Variants in MOV10 observed in about 807,000 individuals in gnomAD.
MOV10 encodes Mov10 RNA helicase.
MOV10 carries 39 observed loss-of-function variants against 108.4 expected under a neutral mutation model. That is an observed-to-expected ratio of 0.36 (90% CI 0.28 to 0.47). The LOEUF is 0.47. Ranked by LOEUF, MOV10 falls within the 20% of genes least tolerant of loss-of-function variation. The pLI is 1.00. For missense variants in MOV10, 952 were observed against 1,297.6 expected, an observed-to-expected ratio of 0.73 and a Z score of 4.09; for synonymous variants, 490 against 523.1, an observed-to-expected ratio of 0.94 and a Z score of 0.86.
intron 7 of MOV10, 173 bp from the exon 8 acceptor site, chr1:112,693,844 CT>C: frequency 1.7e-6 from 1 of 573,578 alleles, no homozygotes; most frequent in East Asian, 2.9e-5. Context: ...TCCTCTTCCC[CT>C]GACTCCTGCT....
At chr1:112,688,779 C>T in intron 2 of MOV10, 156 bp from the exon 3 acceptor site, 2 of 1,465,620 alleles carry the variant, frequency 1.4e-6, no homozygotes, top group South Asian at 2.8e-5. Context: ...CTCCGATCCC[C>T]AGCCTGAGTC....
intron 12 of MOV10, 44 bp from the exon 13 acceptor site, chr1:112,696,393 T>C (rs372180848): frequency 5.2e-5 from 79 of 1,518,716 alleles, no homozygotes; most frequent in Non-Finnish European, 7.1e-5. Flanking sequence ...GGTTTGGTAG[T>C]TGGGTGCCTG....
At chr1:112,681,102 A>T (rs79696832) in intron 2 of MOV10, among the ~76,000 whole-genome samples, 7,976 of 152,064 alleles carry the variant, frequency 0.052, 716 homozygotes, top group African/African-American at 0.18. Flanking sequence ...CCCTCCCCTT[A>T]TGGGCATCCA....
chr1:112,682,158 G>A (rs1215291061), intron 2 of MOV10, among the ~76,000 whole-genome samples: 1 of 152,188 alleles, frequency 6.6e-6, no homozygotes, highest in East Asian at 1.9e-4. Flanking sequence ...GCCTCCCAAA[G>A]TGCTGGGATT....
Position 112,695,547 on chromosome 1 carries a change from C to T in MOV10, c.1752C>T (p.Asp584=), listed in dbSNP as rs1433985769. 6.2e-7 allele frequency: 1 copy of T among 1,614,120 alleles called. No homozygotes were observed. Among genetic ancestry groups the T allele is most frequent in the Non-Finnish European group, 8.5e-7 (1 of 1,180,012 alleles). Residue 584 remains aspartate (D), a synonymous_variant, in exon 11 of 21, where the codon GAC becomes GAT. Transcript: ENST00000369645. ...ACCGCCTCCTGGCCCCCAGCAGGGA[C>T]ATCCGCATGGTACCTGAGGACATCA... ...SIYRLLAPSR[D]IRMVPEDIKP...
chr1:112,684,267 T>C (rs1419298450), intron 2 of MOV10, among the ~76,000 whole-genome samples: 1 of 147,840 alleles, frequency 6.8e-6, no homozygotes, highest in Non-Finnish European at 1.5e-5. Flanking sequence ...CTGGGATTTT[T>C]TTTTTTTTTT....
intron 2 of MOV10, among the ~76,000 whole-genome samples, chr1:112,682,052 T>C (rs1297442993): frequency 1.3e-5 from 2 of 152,060 alleles, no homozygotes. Flanking sequence ...TGCGCCACCA[T>C]GCCCAGCTAA....
chr1:112,698,307 C>T lies in MOV10; in HGVS notation c.2337C>T (p.His779=), dbSNP rs765654274. 20 of 1,613,748 alleles carry T rather than the reference C, an allele frequency of 1.2e-5. 1 individual carries two copies. Among genetic ancestry groups the T allele is most frequent in the South Asian group, 6.6e-5 (6 of 91,072 alleles). ...LPRQGFPIIF[H]GVMGKDEREG... is the part of the protein sequence containing the mutation. Reference sequence around the variant, plus strand: ...TCCAGGGCTTTCCCATCATCTTTCACGGCGTAATGGGCAAAGATGAGCGTG... The same window carrying T: ...TCCAGGGCTTTCCCATCATCTTTCATGGCGTAATGGGCAAAGATGAGCGTG... Residue 779 remains histidine, a synonymous_variant, in exon 16 of 21, where the codon CAC becomes CAT. Transcript: ENST00000369645.
Position 112,695,709 on chromosome 1 carries a change from C to T in MOV10, c.1779+135C>T, listed in dbSNP as rs112358319. 735 of 965,474 alleles carry T rather than the reference C, an allele frequency of 7.6e-4. 8 individuals are homozygous for T. Among genetic ancestry groups the T allele is most frequent in the African/African-American group, 6.9e-3 (420 of 60,526 alleles). The allele number at this position is 965,474 out of a possible 1,614,324, so 59.8% of individuals were successfully genotyped here. A position where few individuals can be genotyped will look rare whatever the true frequency, so the allele number is the denominator to read the frequency against. On this transcript the variant is annotated intron_variant, in intron 11 of 20. Coordinates refer to ENST00000369645, the MANE Select transcript of MOV10 (RefSeq NM_001321324.2). ...ACCTTGGGTTGGACAGGACCCCTCC[C>T]TGGGCCTCAGTTTGTCTGTAAGTGA... is the stretch of plus-strand genomic sequence containing the variant.
chr1:112,688,007 T>G (rs959274042), intron 2 of MOV10, among the ~76,000 whole-genome samples: 1 of 152,078 alleles, frequency 6.6e-6, no homozygotes, highest in Non-Finnish European at 1.5e-5. Context: ...GACTCAGTTC[T>G]TATGCTGCCT....
At position 112,695,552 on chromosome 1, in the gene MOV10, G is replaced by T; in HGVS notation, c.1757G>T (p.Arg586Leu). 1.9e-6 allele frequency: 3 copies of T among 1,614,038 alleles called. No individual in the cohort carries two copies. The highest frequency in any genetic ancestry group is 2.5e-6 in the Non-Finnish European group (3 of 1,179,990). The change falls in exon 11 of 21, where the codon CGC becomes CTC. Residue 586 changes from arginine to leucine, a missense_variant. Arg to Leu is a moderately radical substitution (Grantham distance 102). Transcript: ENST00000369645. ...YRLLAPSRDI[R>L]MVPEDIKPCC... ...CTCCTGGCCCCCAGCAGGGACATCCGCATGGTACCTGAGGACATCAAGGTA... is the reference window on the plus strand; with the variant it reads ...CTCCTGGCCCCCAGCAGGGACATCCTCATGGTACCTGAGGACATCAAGGTA...
chr1:112,680,215 T>C (rs934150324), intron 2 of MOV10, among the ~76,000 whole-genome samples: 3 of 152,132 alleles, frequency 2.0e-5, no homozygotes, highest in Non-Finnish European at 4.4e-5. Context: ...ATCATCTCAT[T>C]ATTGTGTTTT....
At chr1:112,699,588 G>A in intron 17 of MOV10, 97 bp from the exon 18 acceptor site, 9 of 1,556,488 alleles carry the variant, frequency 5.8e-6, no homozygotes, top group Non-Finnish European at 7.8e-6. Flanking sequence ...ATTGCCCAGT[G>A]ACCTCTCTGT....
intron 3 of MOV10, 106 bp from the exon 4 acceptor site, chr1:112,689,309 C>A: frequency 7.9e-7 from 1 of 1,265,664 alleles, no homozygotes; most frequent in Non-Finnish European, 1.1e-6. Context: ...GTTTCCTAAG[C>A]ACAGCTGGCA....
intron 2 of MOV10, among the ~76,000 whole-genome samples, chr1:112,680,837 G>A (rs1210815599): frequency 6.6e-6 from 1 of 151,108 alleles, no homozygotes; most frequent in East Asian, 2.0e-4. Flanking sequence ...CACGTAGGTG[G>A]GATTACAGGC....
At chr1:112,691,503 C>T (rs1346990342) in intron 5 of MOV10, among the ~76,000 whole-genome samples, 162 bp from the exon 6 acceptor site, 1 of 152,100 alleles carries the variant, frequency 6.6e-6, no homozygotes, top group African/African-American at 2.4e-5. Flanking sequence ...TTCCAAGTAT[C>T]GCATGTTCCA....
rs1469126113 is a variant in MOV10, at chr1:112,698,406, C to A, written c.2436C>A (p.Ala812=). ...TVTSYLKLLL[A]PSSKKGKARL... ...CTTCCTACCTGAAGCTGCTCCTGGC[C>A]CCCTCCTCCAAGAAGGGCAAAGCTC... The change falls in exon 16 of 21, where the codon GCC becomes GCA. Residue 812 remains alanine, a synonymous_variant. Coordinates refer to ENST00000369645, the MANE Select transcript of MOV10 (RefSeq NM_001321324.2). 6.2e-7 allele frequency: 1 copy of A among 1,614,200 alleles called. No individual in the cohort carries two copies. Among genetic ancestry groups the A allele is most frequent in the South Asian group, 1.1e-5 (1 of 91,084 alleles).
chr1:112,685,316 T>G (rs1672984966), intron 2 of MOV10, among the ~76,000 whole-genome samples: 1 of 151,990 alleles, frequency 6.6e-6, no homozygotes, highest in Non-Finnish European at 1.5e-5. Context: ...AGTTTTATTT[T>G]ATAGCTGCTG....
Position 112,675,472 on chromosome 1 carries a change from C to G in MOV10, c.137+423C>G, listed in dbSNP as rs533098767. 6.6e-6 allele frequency among the ~76,000 whole-genome samples: 1 copy of G among 152,188 alleles called. No individual in the cohort carries two copies. Among genetic ancestry groups the G allele is most frequent in the East Asian group, 1.9e-4 (1 of 5,182 alleles). ...GCCTGTTGGGGGCTGCGAGCCCGAG[C>G]GCGGGCTTTACAGGGACCTCTGCCA... On this transcript the variant is annotated intron_variant, in intron 2 of 20. Transcript: ENST00000369645. This position sits in a 1 kb window ranked among gnomAD's most constrained non-coding sequence, Gnocchi z 4.7.
Sources: allele counts gnomAD v4.1 joint callset (sites outside exome capture counted in the v4.1 genomes callset), GRCh38; gene constraint gnomAD v4.1.1; non-coding constraint Gnocchi (gnomAD v3.1); transcripts MANE v1.5; gene names NCBI Gene and HGNC (gene_info 2026-07-23, HGNC 2026-07-21).